Variants in ABCF2 observed in about 807,000 individuals in gnomAD.
ABCF2 encodes ATP binding cassette subfamily F member 2.
A neutral mutation model predicts 76.9 loss-of-function variants in ABCF2; 37 were observed. That is an observed-to-expected ratio of 0.48 (90% CI 0.37 to 0.63). The LOEUF (loss-of-function observed/expected upper bound fraction) is 0.63, where lower values mean the gene tolerates loss of function less well. Among genes scored for constraint, ABCF2 ranks in the 30% least tolerant of loss-of-function variants. The probability of loss-of-function intolerance (pLI) is 0.00; values close to 1 mark genes in which losing one functional copy is unlikely to be tolerated. For missense variants in ABCF2, 524 were observed against 782.1 expected, an observed-to-expected ratio of 0.67 and a Z score of 3.94; for synonymous variants, 299 against 283.7, an observed-to-expected ratio of 1.05 and a Z score of -0.54.
In ABCF2 at chr7:151,222,455, G is replaced by T; in HGVS notation, c.818+66C>A. The T allele has an allele frequency of 2.3e-6, 3 of 1,319,080 alleles. No homozygotes were observed. The East Asian group carries it at 7.0e-5, about 31-fold the overall frequency. 81.7% of individuals were successfully genotyped at this position (1,319,080 alleles called of 1,614,324 possible). ...CGCTCTAACATCAGTGCAGTTTCTG[G>T]GCATCCATTTTCTAGATTCCCCCTT... On this transcript the variant is annotated intron_variant, in intron 6 of 14. Coordinates refer to ENST00000287844, the MANE Select transcript of ABCF2 (RefSeq NM_007189.3).
chr7:151,213,193 A>C lies in ABCF2; in HGVS notation c.*861T>G. 1 of 983,944 alleles carries C rather than the reference A, an allele frequency of 1.0e-6. No individual in the cohort carries two copies. The highest frequency in any genetic ancestry group is 1.2e-6 in the Non-Finnish European group (1 of 828,586). The allele number at this position is 983,944 out of a possible 1,614,324, so 61.0% of individuals were successfully genotyped here. On this transcript the variant is annotated 3_prime_UTR_variant, in exon 15 of 15. Coordinates refer to ENST00000287844, the MANE Select transcript of ABCF2 (RefSeq NM_007189.3). ...ACCAGCAACAACAGCATCACCTGGA[A>C]ACTTGCTAGAAATGTTAACGTTCTT...
intron 11 of ABCF2, among the ~76,000 whole-genome samples, chr7:151,217,003 C>A (rs1331257658): frequency 6.6e-6 from 1 of 152,174 alleles, no homozygotes; most frequent in African/African-American, 2.4e-5. Context: ...GTAAGGAGCA[C>A]CTCCTACCAC....
chr7:151,214,849 C>T lies in ABCF2; in HGVS notation c.1734+30G>A, dbSNP rs1214793923. On this transcript the variant is annotated intron_variant, in intron 14 of 14. Transcript: ENST00000287844. This position sits in a 1 kb window ranked among gnomAD's most constrained non-coding sequence, Gnocchi z 4.9. ...CCTACCCAACCCCCTAGAAGCTCTG[C>T]TGTGCCTCACCCCCTGGCCAGGGCC... 5.6e-6 allele frequency: 9 copies of T among 1,611,198 alleles called. No individual in the cohort carries two copies. The highest frequency in any genetic ancestry group is 7.6e-6 in the Non-Finnish European group (9 of 1,177,398).
In ABCF2 at chr7:151,212,825, G is replaced by A. The variant is rs1159287242; in HGVS notation, c.*1229C>T. On this transcript the variant is annotated 3_prime_UTR_variant, in exon 15 of 15. Coordinates refer to ENST00000287844, the MANE Select transcript of ABCF2 (RefSeq NM_007189.3). ...CCAGTCTGCATTTTTTTGAGACAGG[G>A]TTTTGCTCTGTCATCCAGGCTGGAA... The A allele has an allele frequency of 1.9e-5, 3 of 155,866 alleles. No individual in the cohort carries two copies. Among genetic ancestry groups the A allele is most frequent in the African/African-American group, 7.3e-5 (3 of 41,318 alleles). 9.7% of individuals were successfully genotyped at this position (155,866 alleles called of 1,614,324 possible).
At chr7:151,217,521 C>A (rs1010042476) in intron 11 of ABCF2, among the ~76,000 whole-genome samples, 2 of 152,172 alleles carry the variant, frequency 1.3e-5, no homozygotes, top group Non-Finnish European at 2.9e-5. Flanking sequence ...GAAACATGGG[C>A]CAGACGCGGT....
Position 151,213,550 on chromosome 7 carries a change from G to A in ABCF2, c.*504C>T, listed in dbSNP as rs549601247. On this transcript the variant is annotated 3_prime_UTR_variant, in exon 15 of 15. Coordinates refer to ENST00000287844, the MANE Select transcript of ABCF2 (RefSeq NM_007189.3). ...TTATTGGGCGCTTTGTAGATGTCAC[G>A]CAGGTCTAAAAGTTACACTGCTAAA... The A allele has an allele frequency of 8.1e-6, 8 of 986,084 alleles. No homozygotes were observed. Among genetic ancestry groups the A allele is most frequent in the East Asian group, 2.3e-4 (2 of 8,810 alleles). The allele number at this position is 986,084 out of a possible 1,614,324, so 61.1% of individuals were successfully genotyped here.
At chr7:151,225,170 A>G (rs577905506) in intron 2 of ABCF2, among the ~76,000 whole-genome samples, 182 bp from the exon 3 acceptor site, 3 of 152,258 alleles carry the variant, frequency 2.0e-5, no homozygotes, top group Non-Finnish European at 2.9e-5. Flanking sequence ...TTGTCCTCCC[A>G]TATCTGTTTA....
chr7:151,222,556 T>G lies in ABCF2; in HGVS notation c.783A>C (p.Leu261=). The part of the protein sequence containing the change: ...LLDEPTNHLD[L]DACVWLEEEL... ...CTTCTTCCAACCACACGCAAGCATC[T>G]AGGTCCAGGTGGTTGGTAGGCTCAT... The change falls in exon 6 of 15, where the codon CTA becomes CTC. Residue 261 remains leucine, a synonymous_variant. Transcript: ENST00000287844. The G allele has an allele frequency of 1.2e-6, 2 of 1,613,812 alleles. No individual in the cohort carries two copies. Among genetic ancestry groups the G allele is most frequent in the South Asian group, 2.2e-5 (2 of 91,032 alleles).
At position 151,214,658 on chromosome 7, in the gene ABCF2, T is replaced by G. The variant is rs1802115021; in HGVS notation, c.1734+221A>C. On this transcript the variant is annotated intron_variant, in intron 14 of 14. Transcript: ENST00000287844. The surrounding 1 kb of genome is among the most constrained non-coding windows in gnomAD (Gnocchi z 4.9). ...TTTGGGCCCAAAATGCTAAGTTGGT[T>G]GACATCTCCAGATAGCTACTGAAGA... Among the ~76,000 whole-genome samples the G allele has an allele frequency of 6.6e-6, 1 of 152,212 alleles. No homozygotes were observed. The highest frequency in any genetic ancestry group is 2.4e-5 in the African/African-American group (1 of 41,460).
intron 1 of ABCF2, 179 bp from the exon 2 acceptor site, chr7:151,226,679 G>A (rs1802379303): frequency 2.0e-6 from 1 of 500,438 alleles, no homozygotes; most frequent in Non-Finnish European, 3.5e-6. Flanking sequence ...GATTCTCAGC[G>A]GCTCTTCTAA....
At chr7:151,225,149 T>C (rs1802348040) in intron 2 of ABCF2, among the ~76,000 whole-genome samples, 161 bp from the exon 3 acceptor site, 1 of 152,236 alleles carries the variant, frequency 6.6e-6, no homozygotes, top group African/African-American at 2.4e-5. Flanking sequence ...GACACCCTGC[T>C]TTCCTTTGTT....
At position 151,224,187 on chromosome 7, in the gene ABCF2, C is replaced by G. The variant is rs1304356720; in HGVS notation, c.368-73G>C. Reference sequence around the variant, plus strand: ...CCTCTTCACCACTAGTTCTTCCACCCCAGTCAAACTGGGACCTCATCCATT... The same window carrying G: ...CCTCTTCACCACTAGTTCTTCCACCGCAGTCAAACTGGGACCTCATCCATT... On this transcript the variant is annotated intron_variant, in intron 3 of 14. Coordinates refer to ENST00000287844, the MANE Select transcript of ABCF2 (RefSeq NM_007189.3). 4 of 1,495,324 alleles carry G rather than the reference C, an allele frequency of 2.7e-6. No homozygotes were observed. In the East Asian group the frequency reaches 9.2e-5, roughly 34 times the overall value. The allele number at this position is 1,495,324 out of a possible 1,614,324, so 92.6% of individuals were successfully genotyped here. A position where few individuals can be genotyped will look rare whatever the true frequency, so the allele number is the denominator to read the frequency against.
intron 1 of ABCF2, 62 bp from the exon 2 acceptor site, chr7:151,226,562 T>G: frequency 8.3e-7 from 1 of 1,201,796 alleles, no homozygotes; most frequent in Non-Finnish European, 1.1e-6. Flanking sequence ...GCCTGGGCCC[T>G]GCTCCATCCC....
In ABCF2 at chr7:151,225,003, G is replaced by A. The variant is rs191086574; in HGVS notation, c.155-15C>T. On this transcript the variant is annotated splice_polypyrimidine_tract_variant and intron_variant, in intron 2 of 14. Coordinates refer to ENST00000287844, the MANE Select transcript of ABCF2 (RefSeq NM_007189.3). Reference sequence around the variant, plus strand: ...CAAATCTACTTCTGCGGATAGAAAAGCAGTTTGGGAAGATGGCGTGAGACA... The same window carrying A: ...CAAATCTACTTCTGCGGATAGAAAAACAGTTTGGGAAGATGGCGTGAGACA... 1.9e-6 allele frequency: 3 copies of A among 1,612,696 alleles called. No individual in the cohort carries two copies. Among genetic ancestry groups the A allele is most frequent in the Admixed American group, 1.7e-5 (1 of 60,028 alleles).
In ABCF2 at chr7:151,215,637, G is replaced by C. The variant is rs267601421; in HGVS notation, c.1497C>G (p.Ile499Met). The change falls in exon 13 of 15, where the codon ATC becomes ATG. Residue 499 changes from isoleucine (I) to methionine (M), a missense_variant. Physicochemically the swap from Ile to Met is conservative, Grantham distance 10. Transcript: ENST00000287844. This position sits in a 1 kb window ranked among gnomAD's most constrained non-coding sequence, Gnocchi z 4.6. ...TCCCAGTGAGACCGTATCGCCCAAT[G>C]ATCTTCCTCATTTCTTCCTTCTCCT... ...EIKEKEEMRK[I>M]IGRYGLTGKQ... 2.5e-6 allele frequency: 4 copies of C among 1,614,028 alleles called. No individual in the cohort carries two copies. The highest frequency in any genetic ancestry group is 1.1e-5 in the South Asian group (1 of 91,074).
chr7:151,220,099 G>A (rs918686883), intron 7 of ABCF2, among the ~76,000 whole-genome samples: 1 of 148,376 alleles, frequency 6.7e-6, no homozygotes, highest in African/African-American at 2.5e-5. Context: ...ACCCCATCTC[G>A]AGAAAAAAGA....
At position 151,226,426 on chromosome 7, in the gene ABCF2, G is replaced by A. The variant is rs769834096; in HGVS notation, c.33C>T (p.Ala11=). The change falls in exon 2 of 15, where the codon GCC becomes GCT. Residue 11 remains alanine (A), a synonymous_variant. Transcript: ENST00000287844. The part of the protein sequence containing the change: MPSDLAKKKA[A]KKKEAAKARQ... ...GAGCTTTGGCAGCCTCCTTCTTTTTGGCTGCCTTCTTCTTGGCCAGGTCGG... is the reference window on the plus strand; with the variant it reads ...GAGCTTTGGCAGCCTCCTTCTTTTTAGCTGCCTTCTTCTTGGCCAGGTCGG... 3.1e-6 allele frequency: 5 copies of A among 1,613,950 alleles called. No individual in the cohort carries two copies. In the Admixed American group the frequency reaches 8.3e-5, roughly 27 times the overall value.
At chr7:151,218,057 T>A (rs1368038865) in intron 11 of ABCF2, 24 bp downstream of exon 11, 3 of 1,543,294 alleles carry the variant, frequency 1.9e-6, no homozygotes, top group Non-Finnish European at 1.8e-6. Flanking sequence ...CTTAGAGGGA[T>A]CCACGCCCAC....
chr7:151,222,180 T>C (rs1802281979), intron 6 of ABCF2, among the ~76,000 whole-genome samples: 1 of 152,160 alleles, frequency 6.6e-6, no homozygotes, highest in Admixed American at 6.5e-5. Flanking sequence ...CCTTTGTCAC[T>C]GCATCATGAT....
Sources: allele counts gnomAD v4.1 joint callset (sites outside exome capture counted in the v4.1 genomes callset), GRCh38; gene constraint gnomAD v4.1.1; non-coding constraint Gnocchi (gnomAD v3.1); transcripts MANE v1.5; gene names NCBI Gene and HGNC (gene_info 2026-07-23, HGNC 2026-07-21).